C11orf65: variants seen among roughly 807,000 people sequenced by gnomAD.
C11orf65 encodes the protein chromosome 11 open reading frame 65.
C11orf65 carries 38 observed loss-of-function variants against 35.3 expected under a neutral mutation model. That is an observed-to-expected ratio of 1.08 (90% CI 0.83 to 1.41). The LOEUF is 1.41. Ranked by LOEUF, C11orf65 falls within the 40% of genes most tolerant of loss-of-function variation. The probability of loss-of-function intolerance (pLI) is 0.00; values close to 1 mark genes in which losing one functional copy is unlikely to be tolerated. For synonymous variants in C11orf65, 105 were observed against 114.4 expected (o/e 0.92, Z 0.53); for missense variants, 370 against 367.1 (o/e 1.01, Z -0.06).
intron 6 of C11orf65, among the ~76,000 whole-genome samples, chr11:108,400,981 T>C (rs1245344456): frequency 1.3e-5 from 2 of 151,972 alleles, no homozygotes; most frequent in African/African-American, 2.4e-5. Flanking sequence ...TGGTGGCACA[T>C]GCCTGTTATC....
At chr11:108,410,869 T>C (rs2092643054) in intron 3 of C11orf65, among the ~76,000 whole-genome samples, 1 of 151,816 alleles carries the variant, frequency 6.6e-6, no homozygotes, top group Admixed American at 6.6e-5. Flanking sequence ...CAACCACGAC[T>C]GGCTAATTTT....
chr11:108,452,129 G>A lies in C11orf65; in HGVS notation c.81+9350C>T, dbSNP rs1029759558. Among the ~76,000 whole-genome samples the A allele has an allele frequency of 2.2e-4, 34 of 152,068 alleles. 1 individual carries two copies. The highest frequency in any genetic ancestry group is 6.8e-3 in the Middle Eastern group (2 of 294). ...TCATGACTAAAACACCAAAAGCAATGGCAACAAAAGCCAAAATTGACAAAT... is the reference window on the plus strand; with the variant it reads ...TCATGACTAAAACACCAAAAGCAATAGCAACAAAAGCCAAAATTGACAAAT... On this transcript the variant is annotated intron_variant, in intron 2 of 8. Transcript: ENST00000393084.
chr11:108,464,147 G>A (rs767015588), intron 1 of C11orf65, among the ~76,000 whole-genome samples: 1 of 151,918 alleles, frequency 6.6e-6, no homozygotes, highest in African/African-American at 2.4e-5. Context: ...GGGTGGGCTC[G>A]AACTGCTGGC....
intron 3 of C11orf65, among the ~76,000 whole-genome samples, chr11:108,428,080 C>T (rs572581808): frequency 4.5e-4 from 69 of 151,906 alleles, no homozygotes; most frequent in African/African-American, 9.9e-4. Context: ...CCACCCGCCT[C>T]GGCCTCCCAA....
intron 2 of C11orf65, among the ~76,000 whole-genome samples, chr11:108,374,490 T>G (rs202143484): frequency 6.6e-6 from 1 of 151,830 alleles, no homozygotes; most frequent in South Asian, 2.1e-4. Context: ...CATCTGTACA[T>G]CACCATCATC....
intron 2 of C11orf65, among the ~76,000 whole-genome samples, chr11:108,370,038 G>T (rs1015729417): frequency 4.6e-5 from 7 of 151,896 alleles, no homozygotes; most frequent in South Asian, 2.1e-4. Context: ...AGTTTTTTTG[G>T]TTGACAGACA....
chr11:108,317,758 G>C (rs2084874910), intron 6 of C11orf65, among the ~76,000 whole-genome samples: 2 of 149,728 alleles, frequency 1.3e-5, no homozygotes, highest in Admixed American at 1.3e-4. Context: ...GCAAGCTATA[G>C]ATAGCCCTAA....
At chr11:108,373,962 G>A (rs1052135853) in intron 2 of C11orf65, among the ~76,000 whole-genome samples, 6 of 152,242 alleles carry the variant, frequency 3.9e-5, no homozygotes, top group South Asian at 2.1e-4. Context: ...AGGCTGCAGC[G>A]AGGCTGGCGG....
intron 2 of C11orf65, chr11:108,347,182 G>GTC: frequency 2.1e-6 from 2 of 971,380 alleles, no homozygotes; most frequent in East Asian, 4.8e-5. Flanking sequence ...ACTACTTAAA[G>GTC]ATTATACCAA....
chr11:108,373,085 A>T (rs2091615175), intron 2 of C11orf65, among the ~76,000 whole-genome samples: 1 of 152,152 alleles, frequency 6.6e-6, no homozygotes, highest in Non-Finnish European at 1.5e-5. Context: ...TCATAAAAAA[A>T]AAAAATTAAA....
intron 2 of C11orf65, among the ~76,000 whole-genome samples, chr11:108,436,012 A>G (rs1189851532): frequency 6.6e-6 from 1 of 152,120 alleles, no homozygotes; most frequent in Non-Finnish European, 1.5e-5. Flanking sequence ...TAAAGGACAT[A>G]GAAGAGTCAG....
At chr11:108,330,174 T>C (rs748597015), downstream of C11orf65, 9 of 1,589,170 alleles carry the variant, frequency 5.7e-6, no homozygotes, top group South Asian at 1.0e-4. Context: ...TCTGTTAAAG[T>C]TCATGGCTTT....
At chr11:108,362,006 C>T (rs2090825024) in intron 2 of C11orf65, among the ~76,000 whole-genome samples, 1 of 132,650 alleles carries the variant, frequency 7.5e-6, no homozygotes, top group African/African-American at 2.8e-5. Context: ...TCAGAGTGAA[C>T]AGGCAACCTA....
rs1565503340 is a variant in C11orf65, at chr11:108,317,478, G to T, written c.641-8407C>A. 6.2e-7 allele frequency: 1 copy of T among 1,611,580 alleles called. No homozygotes were observed. The highest frequency in any genetic ancestry group is 8.5e-7 in the Non-Finnish European group (1 of 1,179,266). ...TGAACTAGAAGAACTTCATTACCAAGCAGCATGGAGGAATATGCAGTGGGA... is the reference window on the plus strand; with the variant it reads ...TGAACTAGAAGAACTTCATTACCAATCAGCATGGAGGAATATGCAGTGGGA... On this transcript the variant is annotated intron_variant, in intron 6 of 6. Coordinates refer to the C11orf65 transcript ENST00000525729.
chr11:108,424,194 T>G (rs1344871111), intron 3 of C11orf65, among the ~76,000 whole-genome samples: 1 of 151,978 alleles, frequency 6.6e-6, no homozygotes, highest in African/African-American at 2.4e-5. Context: ...GAATAACCAG[T>G]TTAGAGAAGA....
chr11:108,321,657 C>T (rs2085235481), intron 6 of C11orf65, among the ~76,000 whole-genome samples: 1 of 151,996 alleles, frequency 6.6e-6, no homozygotes, highest in Admixed American at 6.5e-5. Flanking sequence ...GTGGTGGGCG[C>T]CTGTAATCTC....
chr11:108,313,008 C>A (rs1258580143), intron 6 of C11orf65, among the ~76,000 whole-genome samples: 1 of 152,196 alleles, frequency 6.6e-6, no homozygotes, highest in African/African-American at 2.4e-5. Context: ...ATCTTCTCTT[C>A]TATGCCGCTG....
At chr11:108,345,627 T>C (rs756890895) in intron 2 of C11orf65, 11 of 801,688 alleles carry the variant, frequency 1.4e-5, no homozygotes, top group Admixed American at 3.0e-5. Flanking sequence ...TTGTAGGTAA[T>C]GTATCCTGTT....
At chr11:108,317,615 T>TTATA (rs376158749) in intron 6 of C11orf65, 3,291 of 214,660 alleles carry the variant, frequency 0.015, 75 homozygotes, top group African/African-American at 0.019. Context: ...AGGAGTTGTT[T>TTATA]TATATATATA....
Sources: allele counts gnomAD v4.1 joint callset (sites outside exome capture counted in the v4.1 genomes callset), GRCh38; gene constraint gnomAD v4.1.1; transcripts MANE v1.5; gene names NCBI Gene and HGNC (gene_info 2026-07-23, HGNC 2026-07-21).